Variants in SATB1 observed in about 807,000 individuals in gnomAD.
SATB1 encodes the protein DNA-binding protein SATB1.
Under a neutral mutation model 86.9 loss-of-function variants are expected in SATB1, and 11 were observed. That is an observed-to-expected ratio of 0.13 (90% CI 0.08 to 0.21). The LOEUF (loss-of-function observed/expected upper bound fraction) is 0.21, where lower values mean the gene tolerates loss of function less well. Ranked by LOEUF, SATB1 falls within the 10% of genes least tolerant of loss-of-function variation. SATB1 has a pLI of 1.00. For synonymous variants in SATB1, 357 were observed against 357.2 expected, an observed-to-expected ratio of 1.00 and a Z score of 0.01; for missense variants, 551 against 937.6, an observed-to-expected ratio of 0.59 and a Z score of 5.39.
intron 5 of SATB1, 136 bp downstream of exon 5, chr3:18,414,975 C>A: frequency 1.1e-6 from 1 of 883,530 alleles, no homozygotes; most frequent in South Asian, 1.7e-5. Context: ...AAAAGGTCAC[C>A]AGTGGTCAAG....
At chr3:18,371,524 T>C (rs537953545) in intron 9 of SATB1, among the ~76,000 whole-genome samples, 40 of 152,314 alleles carry the variant, frequency 2.6e-4, no homozygotes, top group Admixed American at 2.3e-3. Flanking sequence ...ACCATCGATA[T>C]TCTTGGCAGG....
intron 9 of SATB1, among the ~76,000 whole-genome samples, chr3:18,372,093 G>C (rs1202461642): frequency 1.3e-5 from 2 of 152,150 alleles, no homozygotes; most frequent in Non-Finnish European, 2.9e-5. Flanking sequence ...AGGACAAAAG[G>C]TGCTCTCATA....
rs982373375 is a variant in SATB1, at chr3:18,424,634, C to T, written c.-1032G>A. 5 of 152,294 alleles carry T rather than the reference C, an allele frequency of 3.3e-5. No individual in the cohort carries two copies. The highest frequency in any genetic ancestry group is 2.0e-4 in the Admixed American group (3 of 15,268). The allele number at this position is 152,294 out of a possible 1,614,324, so 9.4% of individuals were successfully genotyped here. A position where few individuals can be genotyped will look rare whatever the true frequency, so the allele number is the denominator to read the frequency against. On this transcript the variant is annotated 5_prime_UTR_variant, in exon 1 of 11. Coordinates refer to ENST00000338745, the MANE Select transcript of SATB1 (RefSeq NM_002971.6). ...AAGGCACCCCCAGCCACCTCCACCGCCTAGGCAGCGACAAACTCCCCGCCC... is the reference window on the plus strand; with the variant it reads ...AAGGCACCCCCAGCCACCTCCACCGTCTAGGCAGCGACAAACTCCCCGCCC...
intron 9 of SATB1, among the ~76,000 whole-genome samples, chr3:18,365,635 TG>T (rs1351095401): frequency 6.6e-6 from 1 of 152,136 alleles, no homozygotes; most frequent in Non-Finnish European, 1.5e-5. Flanking sequence ...GTAGAAAAGA[TG>T]GTAAGGGGGG....
chr3:18,418,783 TTAA>T (rs1698241817), intron 2 of SATB1, among the ~76,000 whole-genome samples: 1 of 152,214 alleles, frequency 6.6e-6, no homozygotes, highest in African/African-American at 2.4e-5. Context: ...GATGAAAATG[TTAA>T]TAAAAACCCA....
intron 9 of SATB1, among the ~76,000 whole-genome samples, chr3:18,362,136 T>A (rs1470289444): frequency 1.3e-5 from 2 of 152,128 alleles, no homozygotes; most frequent in African/African-American, 4.8e-5. Flanking sequence ...TTGAATTTGT[T>A]CCTTCTTTTC....
chr3:18,439,275 G>C (rs955557161), upstream of SATB1, among the ~76,000 whole-genome samples: 2 of 152,122 alleles, frequency 1.3e-5, no homozygotes, highest in African/African-American at 4.8e-5. Flanking sequence ...TTTCGCTTCT[G>C]AACTTTCAAA....
chr3:18,411,405 GAAGT>G (rs1428311580), intron 5 of SATB1, among the ~76,000 whole-genome samples: 8 of 152,068 alleles, frequency 5.3e-5, no homozygotes, highest in Admixed American at 2.6e-4. Context: ...TACGCTGGTA[GAAGT>G]AATAGCTGAC....
chr3:18,444,518 G>A lies in SATB1; in HGVS notation c.-25+1000C>T, dbSNP rs561996423. On this transcript the variant is annotated intron_variant, in intron 1 of 3. Coordinates refer to the SATB1 transcript ENST00000415069. The surrounding 1 kb of genome is among the most constrained non-coding windows in gnomAD (Gnocchi z 5.1). ...GGGGACGAGGAGTGGGTGCTACGGA[G>A]AAGTTTGGATTGATTCCGGAAAAAG... 1.1e-6 allele frequency: 1 copy of A among 932,434 alleles called. No individual in the cohort carries two copies. Among genetic ancestry groups the A allele is most frequent in the South Asian group, 4.9e-5 (1 of 20,266 alleles). The allele number at this position is 932,434 out of a possible 1,614,324, so 57.8% of individuals were successfully genotyped here. A position where few individuals can be genotyped will look rare whatever the true frequency, so the allele number is the denominator to read the frequency against.
In SATB1 at chr3:18,435,766, T is replaced by C. The variant is rs1699037098; in HGVS notation, c.-25+1023A>G. On this transcript the variant is annotated intron_variant, in intron 2 of 3. Transcript: ENST00000414509. The stretch of plus-strand genomic sequence containing the variant: ...GCCTGGAAAAATGAGTTTGCTCTCA[T>C]TGGCACTAAGGAGCATCACATGATT... 2.0e-5 allele frequency among the ~76,000 whole-genome samples: 3 copies of C among 152,266 alleles called. No individual in the cohort carries two copies. The South Asian group carries it at 6.2e-4, about 32-fold the overall frequency.
At chr3:18,422,159 G>A (rs545457016) in intron 1 of SATB1, among the ~76,000 whole-genome samples, 37 of 152,208 alleles carry the variant, frequency 2.4e-4, no homozygotes, top group Admixed American at 2.1e-3. Flanking sequence ...TCATATTTAG[G>A]AAAACCAGAG....
At chr3:18,418,868 T>C (rs948501043) in intron 2 of SATB1, among the ~76,000 whole-genome samples, 39 of 152,290 alleles carry the variant, frequency 2.6e-4, no homozygotes, top group Non-Finnish European at 2.6e-4. Flanking sequence ...ATTTTTAGAA[T>C]ACATCCAAAA....
rs1696333385 is a variant in SATB1 at position 18,386,205 on chromosome 3, CCTCT to C, written c.1419+190_1419+193del. ...GAAGGAACACAAAGCAATTTTCTTC[CCTCT>C]ATCTAATTAGGAGCTTATTGTTTTT... On this transcript the variant is annotated intron_variant, in intron 8 of 10. Transcript: ENST00000338745. The surrounding 1 kb of genome is among the most constrained non-coding windows in gnomAD (Gnocchi z 4.5). Among the ~76,000 whole-genome samples, 1 of 152,064 alleles carries C rather than the reference CCTCT, an allele frequency of 6.6e-6. No individual in the cohort carries two copies. The highest frequency in any genetic ancestry group is 2.1e-4 in the South Asian group (1 of 4,826).
chr3:18,406,303 C>T (rs990915617), intron 5 of SATB1, among the ~76,000 whole-genome samples: 10 of 151,900 alleles, frequency 6.6e-5, no homozygotes, highest in Non-Finnish European at 1.0e-4. Context: ...GAGGAATGGA[C>T]GCTGGAAGTG....
chr3:18,436,190 A>G (rs1699054843), intron 2 of SATB1, among the ~76,000 whole-genome samples: 2 of 152,210 alleles, frequency 1.3e-5, no homozygotes, highest in Admixed American at 6.5e-5. Context: ...TTAAGCTGCA[A>G]TGAAAAATAT....
chr3:18,418,155 C>T (rs1698214411), intron 2 of SATB1, among the ~76,000 whole-genome samples: 1 of 152,126 alleles, frequency 6.6e-6, no homozygotes, highest in Admixed American at 6.6e-5. Context: ...TTTAACAGGG[C>T]ACCCAGGATC....
rs1228401250 is a variant in SATB1 at position 18,381,863 on chromosome 3, T to C, written c.1420-3538A>G. 4.6e-5 allele frequency among the ~76,000 whole-genome samples: 7 copies of C among 152,184 alleles called. No homozygotes were observed. In the East Asian group the frequency reaches 1.3e-3, roughly 29 times the overall value. Reference sequence around the variant, plus strand: ...CTCTCAAATTTTAATATATTAACACTGTCTTTAGCACCATGGTTTCATATT... The same window carrying C: ...CTCTCAAATTTTAATATATTAACACCGTCTTTAGCACCATGGTTTCATATT... On this transcript the variant is annotated intron_variant, in intron 8 of 10. Transcript: ENST00000338745.
In SATB1 at chr3:18,417,082, T is replaced by C. The variant is rs775214383; in HGVS notation, c.212-4A>G. On this transcript the variant is annotated splice_polypyrimidine_tract_variant and splice_region_variant and intron_variant, in intron 2 of 10. Transcript: ENST00000338745. ...CAGAAAACTGGCAGCATGGTTCCTA[T>C]CAAAAAGATGAAGAAGAAGAGATGG... is the stretch of plus-strand genomic sequence containing the variant. The C allele has an allele frequency of 1.2e-6, 2 of 1,610,204 alleles. No homozygotes were observed. Among genetic ancestry groups the C allele is most frequent in the East Asian group, 2.2e-5 (1 of 44,826 alleles).
intron 9 of SATB1, among the ~76,000 whole-genome samples, chr3:18,376,589 G>GGA (rs1695770880): frequency 1.4e-5 from 2 of 147,636 alleles, no homozygotes; most frequent in African/African-American, 2.5e-5. Context: ...TGGGGGGGGG[G>GGA]AGTGAGACCA....
Sources: allele counts gnomAD v4.1 joint callset (sites outside exome capture counted in the v4.1 genomes callset), GRCh38; gene constraint gnomAD v4.1.1; non-coding constraint Gnocchi (gnomAD v3.1); transcripts MANE v1.5; gene names NCBI Gene and HGNC (gene_info 2026-07-23, HGNC 2026-07-21).